Variants in CSMD3 observed in about 807,000 individuals in gnomAD.
CSMD3 encodes the protein CUB and Sushi multiple domains 3.
Under a neutral mutation model 435.2 loss-of-function variants are expected in CSMD3, and 177 were observed. The observed-to-expected ratio is 0.41, with a 90% CI of 0.36 to 0.46. CSMD3 has a LOEUF of 0.46. Among genes scored for constraint, CSMD3 ranks in the 20% least tolerant of loss-of-function variants. The pLI is 0.34. For missense variants in CSMD3, 4,265 were observed against 4,504.6 expected (o/e 0.95, Z 1.52); for synonymous variants, 1,656 against 1,520.5 (o/e 1.09, Z -2.07).
At chr8:112,246,020 C>G (rs192298607) in intron 64 of CSMD3, among the ~76,000 whole-genome samples, 5 of 152,094 alleles carry the variant, frequency 3.3e-5, no homozygotes, top group Non-Finnish European at 7.4e-5. Context: ...CTATCATATC[C>G]CAACTAGAGG....
Position 112,314,602 on chromosome 8 carries a change from T to C in CSMD3, c.7376A>G (p.Asn2459Ser), listed in dbSNP as rs535477115. ...PPVCQVLCPA[N>S]ELRLDSTGVI... ...TCCAGTAGAATCTAGCCGTAATTCATTGGCAGGACAGAGCACTGTCAAAGA... is the reference window on the plus strand; with the variant it reads ...TCCAGTAGAATCTAGCCGTAATTCACTGGCAGGACAGAGCACTGTCAAAGA... Residue 2459 changes from asparagine (N) to serine (S), a missense_variant, in exon 48 of 71, where the codon AAT becomes AGT. Asn to Ser is a conservative substitution (Grantham distance 46, BLOSUM62 1). Transcript: ENST00000297405. 6.8e-6 allele frequency: 11 copies of C among 1,612,278 alleles called. No individual in the cohort carries two copies. The highest frequency in any genetic ancestry group is 2.2e-5 in the South Asian group (2 of 91,050).
Position 112,339,796 on chromosome 8 carries a change from T to C in CSMD3, c.6652+1681A>G, listed in dbSNP as rs555834274. Among the ~76,000 whole-genome samples the C allele has an allele frequency of 3.3e-5, 5 of 152,336 alleles. No individual in the cohort carries two copies. In the South Asian group the frequency reaches 1.0e-3, roughly 32 times the overall value. Reference sequence around the variant, plus strand: ...AAATAATATTGACTCTGTGAATATATATGTTAACTATTTCTTTAAAATGCA... The same window carrying C: ...AAATAATATTGACTCTGTGAATATACATGTTAACTATTTCTTTAAAATGCA... On this transcript the variant is annotated intron_variant, in intron 42 of 70. Coordinates refer to ENST00000297405, the MANE Select transcript of CSMD3 (RefSeq NM_198123.2).
chr8:113,017,746 T>G (rs527882657), intron 6 of CSMD3, among the ~76,000 whole-genome samples: 1 of 152,124 alleles, frequency 6.6e-6, no homozygotes, highest in Admixed American at 6.6e-5. Context: ...GTACACAAAC[T>G]TTTAGAAATT....
chr8:112,272,382 G>A lies in CSMD3; in HGVS notation c.9509-6792C>T, dbSNP rs189395846. Among the ~76,000 whole-genome samples the A allele has an allele frequency of 4.3e-3, 650 of 152,020 alleles. 4 individuals carry two copies. The highest frequency in any genetic ancestry group is 7.5e-3 in the Non-Finnish European group (511 of 67,988). On this transcript the variant is annotated intron_variant, in intron 59 of 70. Coordinates refer to ENST00000297405, the MANE Select transcript of CSMD3 (RefSeq NM_198123.2). ...AAATAATTTATTTCAAATTCATATAGTAACTGGCCTATAGTAACCATAAAA... is the reference window on the plus strand; with the variant it reads ...AAATAATTTATTTCAAATTCATATAATAACTGGCCTATAGTAACCATAAAA...
At chr8:112,761,105 C>T (rs1166023330) in intron 13 of CSMD3, among the ~76,000 whole-genome samples, 2 of 152,086 alleles carry the variant, frequency 1.3e-5, no homozygotes, top group East Asian at 1.9e-4. Context: ...TTCCATGGGA[C>T]ACCTTCAAAT....
intron 32 of CSMD3, among the ~76,000 whole-genome samples, chr8:112,446,967 T>C (rs1261938860): frequency 1.3e-5 from 2 of 152,166 alleles, no homozygotes; most frequent in African/African-American, 2.4e-5. Flanking sequence ...TTCAGTTCTA[T>C]TGATTGAGGT....
At chr8:112,533,113 T>A (rs933648719) in intron 27 of CSMD3, among the ~76,000 whole-genome samples, 2 of 151,898 alleles carry the variant, frequency 1.3e-5, no homozygotes, top group African/African-American at 2.4e-5. Context: ...CATAGACTTA[T>A]AATAGAGAAA....
At chr8:113,182,764 C>T (rs2092441135) in intron 3 of CSMD3, among the ~76,000 whole-genome samples, 1 of 152,010 alleles carries the variant, frequency 6.6e-6, no homozygotes. Flanking sequence ...AGCTGGGTTG[C>T]TGCAAATATT....
At chr8:112,553,120 A>C (rs975446176) in intron 25 of CSMD3, among the ~76,000 whole-genome samples, 5 of 152,052 alleles carry the variant, frequency 3.3e-5, no homozygotes, top group African/African-American at 1.2e-4. Flanking sequence ...GAGAAAAACT[A>C]ATCTTTACTG....
intron 22 of CSMD3, among the ~76,000 whole-genome samples, chr8:112,592,773 T>C (rs532902689): frequency 1.5e-3 from 227 of 152,256 alleles, no homozygotes; most frequent in Non-Finnish European, 2.2e-3. Context: ...AATAATGTTC[T>C]TAATAAAAAT....
intron 65 of CSMD3, among the ~76,000 whole-genome samples, chr8:112,242,067 C>A (rs923967835): frequency 6.6e-6 from 1 of 152,100 alleles, no homozygotes; most frequent in Non-Finnish European, 1.5e-5. Context: ...GATGTCATTT[C>A]TTATTTTAGA....
chr8:113,431,590 A>T (rs1586191245), intron 1 of CSMD3, among the ~76,000 whole-genome samples: 1 of 152,230 alleles, frequency 6.6e-6, no homozygotes, highest in Admixed American at 6.5e-5. Flanking sequence ...AGCCCCTGAT[A>T]AGTAAGTAGA....
At chr8:112,661,879 A>T (rs916420335) in intron 17 of CSMD3, among the ~76,000 whole-genome samples, 2 of 152,106 alleles carry the variant, frequency 1.3e-5, no homozygotes, top group African/African-American at 4.8e-5. Flanking sequence ...CTACTCCCCA[A>T]CATCACCCAG....
intron 54 of CSMD3, among the ~76,000 whole-genome samples, chr8:112,294,960 G>C (rs941549501): frequency 1.3e-5 from 2 of 151,958 alleles, no homozygotes; most frequent in African/African-American, 4.8e-5. Context: ...GCATGGATAA[G>C]TTCTTTAGTG....
At chr8:113,145,630 C>T (rs2131750839) in intron 4 of CSMD3, among the ~76,000 whole-genome samples, 1 of 151,474 alleles carries the variant, frequency 6.6e-6, no homozygotes, top group South Asian at 2.1e-4. Context: ...TATTTTTATA[C>T]CAGTTTACTT....
intron 3 of CSMD3, among the ~76,000 whole-genome samples, chr8:113,212,413 T>A (rs1421514722): frequency 6.6e-6 from 1 of 152,166 alleles, no homozygotes; most frequent in African/African-American, 2.4e-5. Flanking sequence ...CCCAAAGTTG[T>A]CTTTGTTATT....
intron 32 of CSMD3, among the ~76,000 whole-genome samples, chr8:112,464,237 C>CAA (rs34572260): frequency 0.088 from 7,147 of 81,072 alleles, 217 homozygotes; most frequent in East Asian, 0.19. Flanking sequence ...GACTCTGTTT[C>CAA]AAAAAAAAAA....
At chr8:112,346,768 T>A (rs1825718510) in intron 40 of CSMD3, among the ~76,000 whole-genome samples, 1 of 130,784 alleles carries the variant, frequency 7.6e-6, no homozygotes, top group African/African-American at 2.9e-5. Flanking sequence ...AAGCTCCGCC[T>A]CCCGGGTTCA....
At chr8:113,301,448 C>T (rs1360249552) in intron 2 of CSMD3, among the ~76,000 whole-genome samples, 4 of 151,804 alleles carry the variant, frequency 2.6e-5, no homozygotes, top group Non-Finnish European at 5.9e-5. Context: ...ATAATCACAT[C>T]TCACTCAGAT....
Sources: allele counts gnomAD v4.1 joint callset (sites outside exome capture counted in the v4.1 genomes callset), GRCh38; gene constraint gnomAD v4.1.1; transcripts MANE v1.5; gene names NCBI Gene and HGNC (gene_info 2026-07-23, HGNC 2026-07-21).